Variants in ARHGAP22 observed in about 807,000 individuals in gnomAD.
The protein encoded by ARHGAP22 is Rho GTPase activating protein 22.
Under a neutral mutation model 59.1 loss-of-function variants are expected in ARHGAP22, and 48 were observed. The ratio of observed to expected loss-of-function variants is 0.81; its 90% CI spans 0.64 to 1.03. The LOEUF (loss-of-function observed/expected upper bound fraction) is 1.03. Among genes scored for constraint, ARHGAP22 ranks in the 50% least tolerant of loss-of-function variants. ARHGAP22 has a pLI of 0.00. For missense variants in ARHGAP22, 1,015 were observed against 958.7 expected (o/e 1.06, Z -0.78); for synonymous variants, 445 against 416.4 (o/e 1.07, Z -0.84).
At chr10:48,444,226 A>G (rs2045270434), downstream of ARHGAP22, 1 of 152,226 alleles carries the variant, frequency 6.6e-6, no homozygotes, top group African/African-American at 2.4e-5. Context: ...TAAATGATGT[A>G]ATTACAATAA....
chr10:48,633,101 T>G (rs1335695614), intron 1 of ARHGAP22, among the ~76,000 whole-genome samples: 1 of 152,234 alleles, frequency 6.6e-6, no homozygotes, highest in Non-Finnish European at 1.5e-5. Context: ...TTTTTGCCAA[T>G]TATGTTGCCT....
intron 4 of ARHGAP22, among the ~76,000 whole-genome samples, chr10:48,476,303 C>A (rs1375381225): frequency 2.0e-5 from 3 of 152,202 alleles, no homozygotes; most frequent in Non-Finnish European, 2.9e-5. Context: ...GCTCCCCTGA[C>A]CACTGGCTGC....
chr10:48,545,267 G>A (rs1051307014), intron 3 of ARHGAP22, among the ~76,000 whole-genome samples: 2 of 152,280 alleles, frequency 1.3e-5, no homozygotes, highest in East Asian at 1.9e-4. Context: ...ATAGAAGAGC[G>A]CTGCTCTAGG....
In ARHGAP22 at chr10:48,493,693, G is replaced by A. The variant is rs1311936187; in HGVS notation, c.323-13929C>T. 3.6e-6 allele frequency: 5 copies of A among 1,377,250 alleles called. No individual in the cohort carries two copies. The African/African-American group carries it at 7.3e-5, about 20-fold the overall frequency. 85.3% of individuals were successfully genotyped at this position (1,377,250 alleles called of 1,614,324 possible). A position where few individuals can be genotyped will look rare whatever the true frequency, so the allele number is the denominator to read the frequency against. The stretch of plus-strand genomic sequence containing the variant: ...CTGCATTTATCAGTGCCCGAAGGCT[G>A]GGACTGTCTGGGGCGGGGCAAGAAG... On this transcript the variant is annotated intron_variant, in intron 3 of 9. Coordinates refer to ENST00000249601, the MANE Select transcript of ARHGAP22 (RefSeq NM_021226.4).
intron 1 of ARHGAP22, among the ~76,000 whole-genome samples, chr10:48,603,913 C>T (rs910660068): frequency 6.6e-6 from 1 of 152,230 alleles, no homozygotes; most frequent in Non-Finnish European, 1.5e-5. Flanking sequence ...AGCTCCCAGG[C>T]AAATGCTCCA....
intron 3 of ARHGAP22, among the ~76,000 whole-genome samples, chr10:48,486,162 C>T (rs2049841279): frequency 1.3e-5 from 2 of 151,972 alleles, no homozygotes; most frequent in African/African-American, 4.8e-5. Context: ...TTTAACTTAT[C>T]ACAGTCTACA....
chr10:48,478,717 T>G (rs1363587433), intron 4 of ARHGAP22, among the ~76,000 whole-genome samples: 5 of 152,194 alleles, frequency 3.3e-5, no homozygotes, highest in African/African-American at 9.7e-5. Flanking sequence ...AGATAGCGAC[T>G]GCACGGCTGG....
intron 4 of ARHGAP22, among the ~76,000 whole-genome samples, chr10:48,465,008 T>C (rs1278899319): frequency 1.3e-5 from 2 of 152,080 alleles, no homozygotes; most frequent in Non-Finnish European, 2.9e-5. Flanking sequence ...TGCTGGGGCT[T>C]CTGGGCCCGG....
intron 4 of ARHGAP22, among the ~76,000 whole-genome samples, chr10:48,477,103 A>T (rs957489915): frequency 6.6e-6 from 1 of 152,168 alleles, no homozygotes; most frequent in African/African-American, 2.4e-5. Flanking sequence ...AACATTTAAG[A>T]TATGTATGCC....
intron 2 of ARHGAP22, among the ~76,000 whole-genome samples, chr10:48,565,754 A>G (rs7093632): frequency 0.6 from 91,681 of 152,054 alleles, 28,772 homozygotes; most frequent in East Asian, 0.98. Flanking sequence ...AGCTGTATAT[A>G]CACTAGGGGC....
intron 3 of ARHGAP22, among the ~76,000 whole-genome samples, chr10:48,526,175 G>T (rs897846114): frequency 6.6e-6 from 1 of 152,184 alleles, no homozygotes; most frequent in Non-Finnish European, 1.5e-5. Flanking sequence ...AGCAAGGGCA[G>T]GCTGGAAAGC....
intron 4 of ARHGAP22, among the ~76,000 whole-genome samples, chr10:48,462,578 TG>T (rs1351582646): frequency 6.6e-6 from 1 of 152,186 alleles, no homozygotes; most frequent in Non-Finnish European, 1.5e-5. Flanking sequence ...TTGGCACCCA[TG>T]TTGGTGTGGA....
At chr10:48,559,309 C>T (rs988301233) in intron 2 of ARHGAP22, among the ~76,000 whole-genome samples, 2 of 152,196 alleles carry the variant, frequency 1.3e-5, no homozygotes, top group Admixed American at 1.3e-4. Flanking sequence ...CCCTTTCCCC[C>T]TTCCCCATGT....
intron 4 of ARHGAP22, among the ~76,000 whole-genome samples, chr10:48,478,772 C>CA (rs1472360019): frequency 1.3e-5 from 2 of 152,156 alleles, no homozygotes; most frequent in African/African-American, 4.8e-5. Context: ...AGACCATAGG[C>CA]AAAACCTGGC....
At chr10:48,649,729 G>C (rs2062471056) in intron 1 of ARHGAP22, among the ~76,000 whole-genome samples, 1 of 152,150 alleles carries the variant, frequency 6.6e-6, no homozygotes, top group African/African-American at 2.4e-5. Flanking sequence ...TGGAGCTGAG[G>C]GTGCTGCCCA....
At chr10:48,646,464 T>C (rs970117925) in intron 1 of ARHGAP22, among the ~76,000 whole-genome samples, 1 of 152,224 alleles carries the variant, frequency 6.6e-6, no homozygotes, top group African/African-American at 2.4e-5. Flanking sequence ...GATAGTATGG[T>C]ATAGGCACAA....
chr10:48,644,551 A>G (rs1452161041), intron 1 of ARHGAP22, among the ~76,000 whole-genome samples: 1 of 152,230 alleles, frequency 6.6e-6, no homozygotes, highest in Non-Finnish European at 1.5e-5. Context: ...AGTCCTGATC[A>G]ATTAAAAAAT....
chr10:48,528,072 T>A (rs973197330), intron 3 of ARHGAP22, among the ~76,000 whole-genome samples: 6 of 152,126 alleles, frequency 3.9e-5, no homozygotes, highest in Admixed American at 2.6e-4. Flanking sequence ...AGACCCACAG[T>A]TGGGTGGTGA....
chr10:48,616,110 G>C (rs1214332786), intron 1 of ARHGAP22, among the ~76,000 whole-genome samples: 1 of 152,116 alleles, frequency 6.6e-6, no homozygotes, highest in Non-Finnish European at 1.5e-5. Context: ...TTAAAAATCT[G>C]TGGCAATGCT....
Sources: allele counts gnomAD v4.1 joint callset (sites outside exome capture counted in the v4.1 genomes callset), GRCh38; gene constraint gnomAD v4.1.1; transcripts MANE v1.5; gene names NCBI Gene and HGNC (gene_info 2026-07-23, HGNC 2026-07-21).